C8orf74: variants seen among roughly 807,000 people sequenced by gnomAD.
C8orf74 encodes the protein uncharacterized protein C8orf74.
C8orf74 carries 29 observed loss-of-function variants against 22.2 expected under a neutral mutation model. The observed-to-expected ratio is 1.31, with a 90% CI of 0.97 to 1.78. The LOEUF is 1.78. Ranked by LOEUF, C8orf74 falls within the 40% of genes most tolerant of loss-of-function variation. The pLI, the probability that C8orf74 is intolerant of heterozygous loss-of-function variation, is 0.00. For synonymous variants in C8orf74, 255 were observed against 163.1 expected (o/e 1.56, Z -4.30); for missense variants, 515 against 369.9 (o/e 1.39, Z -3.22).
chr8:10,676,300 C>A (rs761524715), intron 2 of C8orf74, among the ~76,000 whole-genome samples: 2 of 152,090 alleles, frequency 1.3e-5, no homozygotes, highest in Non-Finnish European at 2.9e-5. Context: ...ACACAAGGCG[C>A]CATCCTTAAG....
At chr8:10,678,795 C>T (rs1259561024) in intron 2 of C8orf74, among the ~76,000 whole-genome samples, 1 of 152,120 alleles carries the variant, frequency 6.6e-6, no homozygotes, top group East Asian at 1.9e-4. Context: ...GTGCAGAGCC[C>T]CACGACAGCC....
At chr8:10,693,914 A>T (rs1360618752) in intron 2 of C8orf74, among the ~76,000 whole-genome samples, 2 of 152,128 alleles carry the variant, frequency 1.3e-5, no homozygotes, top group Non-Finnish European at 2.9e-5. Flanking sequence ...CTCTCCATGC[A>T]GCTCTTGCCA....
intron 2 of C8orf74, among the ~76,000 whole-genome samples, chr8:10,677,331 G>A (rs947995844): frequency 7.9e-5 from 12 of 152,106 alleles, no homozygotes; most frequent in African/African-American, 2.9e-4. Context: ...CATATAATGC[G>A]ACTAAGTACA....
At chr8:10,689,889 G>A (rs1248801134) in intron 2 of C8orf74, 2 of 152,156 alleles carry the variant, frequency 1.3e-5, no homozygotes, top group Admixed American at 6.6e-5. Context: ...GGAGGGGTTG[G>A]TCTTACCGTT....
At chr8:10,697,072 G>A (rs1242624006) in intron 2 of C8orf74, among the ~76,000 whole-genome samples, 1 of 152,052 alleles carries the variant, frequency 6.6e-6, no homozygotes, top group African/African-American at 2.4e-5. Context: ...AATGGGATAA[G>A]TGTAAGTTAC....
At chr8:10,678,514 C>G (rs549151815) in intron 2 of C8orf74, among the ~76,000 whole-genome samples, 1 of 152,146 alleles carries the variant, frequency 6.6e-6, no homozygotes, top group South Asian at 2.1e-4. Flanking sequence ...GGCCCTTTCT[C>G]CTCAGCCCCT....
intron 2 of C8orf74, among the ~76,000 whole-genome samples, chr8:10,684,369 T>C (rs117016402): frequency 0.011 from 1,636 of 152,236 alleles, 16 homozygotes; most frequent in Non-Finnish European, 0.017. Context: ...GGGCCAAGTC[T>C]CCTAAGCAGA....
At chr8:10,691,055 GC>G (rs950409056) in intron 2 of C8orf74, 3 of 409,428 alleles carry the variant, frequency 7.3e-6, no homozygotes, top group Non-Finnish European at 1.5e-5. Flanking sequence ...TCAACCCGAG[GC>G]CCAGGGAGTG....
intron 3 of C8orf74, among the ~76,000 whole-genome samples, chr8:10,698,901 C>CACCACACA (rs1554470269): frequency 7.3e-6 from 1 of 137,522 alleles, no homozygotes; most frequent in Non-Finnish European, 1.6e-5. Flanking sequence ...TACACACACA[C>CACCACACA]CACACACACA....
intron 3 of C8orf74, 115 bp downstream of exon 3, chr8:10,698,120 T>G (rs1799572781): frequency 1.9e-6 from 2 of 1,055,186 alleles, no homozygotes; most frequent in Non-Finnish European, 2.6e-6. Flanking sequence ...GGGGGAGAGA[T>G]GCAGGGAGGA....
chr8:10,690,884 G>T, intron 2 of C8orf74: 2 of 456,114 alleles, frequency 4.4e-6, no homozygotes, highest in South Asian at 3.1e-5. Flanking sequence ...TGGCCTCCAG[G>T]GGCTTGGGGA....
chr8:10,691,782 G>C (rs560169213), intron 2 of C8orf74: 1 of 152,422 alleles, frequency 6.6e-6, no homozygotes, highest in African/African-American at 2.4e-5. Context: ...CGCTATCCTT[G>C]GAGGTCCTGG....
At position 10,697,787 on chromosome 8, in the gene C8orf74, GTGTGCA is replaced by G. The variant is rs745338049; in HGVS notation, c.433_438del (p.Cys145_Met146del). ...CGACCTGACCGTTGCCCACCTGGAGGTGTGCATGCCACCCCATCCCCTCCCGCTGGC... is the reference window on the plus strand; with the variant it reads ...CGACCTGACCGTTGCCCACCTGGAGGTGCCACCCCATCCCCTCCCGCTGGC... On this transcript the variant is annotated inframe_deletion, in exon 3 of 4. Coordinates refer to ENST00000304519, the MANE Select transcript of C8orf74 (RefSeq NM_001040032.2). 3.7e-6 allele frequency: 6 copies of G among 1,613,938 alleles called. No homozygotes were observed. In the African/African-American group the frequency reaches 8.0e-5, roughly 22 times the overall value.
intron 2 of C8orf74, among the ~76,000 whole-genome samples, chr8:10,683,053 G>A (rs1293594631): frequency 1.3e-5 from 2 of 152,218 alleles, no homozygotes; most frequent in Non-Finnish European, 2.9e-5. Context: ...TTTGGACAAC[G>A]GGGACCTATC....
At chr8:10,672,806 C>G (rs1245208997) in intron 1 of C8orf74, 93 bp downstream of exon 1, 40 of 1,130,492 alleles carry the variant, frequency 3.5e-5, no homozygotes, top group Non-Finnish European at 5.1e-5. Context: ...TCAGGAGACC[C>G]CGGGGCAGCC....
chr8:10,689,550 A>T (rs889222775), intron 2 of C8orf74: 3 of 151,996 alleles, frequency 2.0e-5, no homozygotes, highest in Non-Finnish European at 2.9e-5. Context: ...TATACAGGTG[A>T]CTCTTGAAGA....
chr8:10,692,488 C>G (rs748765892), intron 2 of C8orf74: 1 of 152,306 alleles, frequency 6.6e-6, no homozygotes, highest in African/African-American at 2.4e-5. Context: ...CCCCCAGCAC[C>G]TGGCACATGG....
At chr8:10,684,881 G>A (rs1207855595) in intron 2 of C8orf74, among the ~76,000 whole-genome samples, 1 of 152,186 alleles carries the variant, frequency 6.6e-6, no homozygotes, top group Non-Finnish European at 1.5e-5. Context: ...AGTCAAATAA[G>A]GGTGACTTGA....
At chr8:10,689,329 C>A (rs988434428) in intron 2 of C8orf74, 1 of 152,196 alleles carries the variant, frequency 6.6e-6, no homozygotes, top group Non-Finnish European at 1.5e-5. Flanking sequence ...CAACATTTCT[C>A]CTTGGTCCAG....
Sources: allele counts gnomAD v4.1 joint callset (sites outside exome capture counted in the v4.1 genomes callset), GRCh38; gene constraint gnomAD v4.1.1; transcripts MANE v1.5; gene names NCBI Gene and HGNC (gene_info 2026-07-23, HGNC 2026-07-21).